The following KDM4C variants were observed in gnomAD, a reference collection of about 807,000 sequenced individuals.
KDM4C encodes the protein lysine demethylase 4C.
A neutral mutation model predicts 129.3 loss-of-function variants in KDM4C; 81 were observed. That is an observed-to-expected ratio of 0.63 (90% confidence interval 0.52 to 0.75). The LOEUF (loss-of-function observed/expected upper bound fraction) is 0.75, where lower values mean the gene tolerates loss of function less well. Among genes scored for constraint, KDM4C ranks in the 30% least tolerant of loss-of-function variants. The probability of loss-of-function intolerance (pLI) is 0.00; values close to 1 mark genes in which losing one functional copy is unlikely to be tolerated. For missense variants in KDM4C, 1,457 were observed against 1,304.0 expected, an observed-to-expected ratio of 1.12 and a Z score of -1.81; for synonymous variants, 573 against 456.1, an observed-to-expected ratio of 1.26 and a Z score of -3.26.
At chr9:7,124,757 A>G (rs192211478) in intron 18 of KDM4C, among the ~76,000 whole-genome samples, 140 of 152,094 alleles carry the variant, frequency 9.2e-4, no homozygotes, top group South Asian at 6.9e-3. Context: ...GGTACAGAAA[A>G]TTTTCCCAAG....
At position 6,832,384 on chromosome 9, in the gene KDM4C, A is replaced by G. The variant is rs566397910; in HGVS notation, c.436-17123A>G. 4.0e-5 allele frequency among the ~76,000 whole-genome samples: 6 copies of G among 150,658 alleles called. No homozygotes were observed. The East Asian group carries it at 9.7e-4, about 24-fold the overall frequency. On this transcript the variant is annotated intron_variant, in intron 4 of 21. Coordinates refer to ENST00000381309, the MANE Select transcript of KDM4C (RefSeq NM_015061.6). Reference sequence around the variant, plus strand: ...TTTGTCAAGGGGCTTAATAGTCTAGAAAATATGAATAAAGTAGTATAGATT... The same window carrying G: ...TTTGTCAAGGGGCTTAATAGTCTAGGAAATATGAATAAAGTAGTATAGATT...
chr9:7,130,721 C>T (rs145818454), intron 19 of KDM4C, among the ~76,000 whole-genome samples: 52 of 152,220 alleles, frequency 3.4e-4, no homozygotes, highest in African/African-American at 1.2e-3. Context: ...TTGGAAAGGA[C>T]GCATCTATCT....
At chr9:6,971,563 TCAATGATGATTCTA>T (rs1367439198) in intron 8 of KDM4C, among the ~76,000 whole-genome samples, 2 of 152,312 alleles carry the variant, frequency 1.3e-5, no homozygotes, top group East Asian at 3.9e-4. Flanking sequence ...ATTCATTACA[TCAATGATGATTCTA>T]CATTTTATTT....
chr9:6,922,739 C>T (rs976206510), intron 8 of KDM4C, among the ~76,000 whole-genome samples: 1 of 152,202 alleles, frequency 6.6e-6, no homozygotes, highest in African/African-American at 2.4e-5. Context: ...GGAGCCAGAC[C>T]CTGTCTCAAA....
intron 1 of KDM4C, chr9:6,748,946 C>G (rs764346818): frequency 1.1e-6 from 1 of 900,972 alleles, no homozygotes; most frequent in African/African-American, 1.6e-5. Flanking sequence ...GCACCATAAC[C>G]TTCTGCACTT....
intron 6 of KDM4C, among the ~76,000 whole-genome samples, chr9:6,883,904 G>T (rs1000577018): frequency 6.6e-6 from 1 of 152,024 alleles, no homozygotes; most frequent in Non-Finnish European, 1.5e-5. Flanking sequence ...GAAATTAAGT[G>T]GTCTCAGGAA....
chr9:6,862,842 A>ACAAACAAAC (rs373879969), intron 5 of KDM4C, among the ~76,000 whole-genome samples: 1 of 140,278 alleles, frequency 7.1e-6, no homozygotes, highest in South Asian at 2.6e-4. Context: ...AAACAAACAA[A>ACAAACAAAC]AAACAAAAAA....
chr9:6,745,451 C>T (rs1002793554), intron 1 of KDM4C, among the ~76,000 whole-genome samples: 10 of 151,398 alleles, frequency 6.6e-5, no homozygotes, highest in African/African-American at 1.5e-4. Flanking sequence ...ATAAAAAATT[C>T]GCTGGTGTGC....
intron 17 of KDM4C, among the ~76,000 whole-genome samples, chr9:7,090,184 T>C (rs1340836462): frequency 6.6e-6 from 1 of 152,244 alleles, no homozygotes; most frequent in Non-Finnish European, 1.5e-5. Context: ...CTTCAGAGCT[T>C]CCTGTTGGAA....
chr9:7,095,108 G>C (rs567346469), intron 17 of KDM4C, among the ~76,000 whole-genome samples: 2 of 152,232 alleles, frequency 1.3e-5, no homozygotes, highest in African/African-American at 4.8e-5. Flanking sequence ...AAATGCCTGG[G>C]GGAAGTTGGA....
intron 8 of KDM4C, chr9:6,902,880 G>A (rs953728088): frequency 1.3e-5 from 2 of 152,162 alleles, no homozygotes; most frequent in African/African-American, 4.8e-5. Flanking sequence ...CTAACAGTGG[G>A]TTTTTGTGGA....
chr9:6,883,210 C>T (rs1433719938), intron 6 of KDM4C, among the ~76,000 whole-genome samples: 1 of 152,158 alleles, frequency 6.6e-6, no homozygotes, highest in East Asian at 1.9e-4. Context: ...AAATATTATT[C>T]CCTTAAGCAT....
intron 8 of KDM4C, among the ~76,000 whole-genome samples, chr9:6,913,527 G>A (rs1042675366): frequency 7.9e-5 from 12 of 152,208 alleles, no homozygotes; most frequent in Non-Finnish European, 1.2e-4. Context: ...TGGGATTTGT[G>A]AGAGGCAGGC....
intron 15 of KDM4C, among the ~76,000 whole-genome samples, chr9:7,033,019 T>C (rs1827040740): frequency 6.6e-6 from 1 of 152,210 alleles, no homozygotes. Context: ...ATTGGCATTT[T>C]TCTTTTTCGA....
chr9:6,966,539 A>C (rs1415963020), intron 8 of KDM4C, among the ~76,000 whole-genome samples: 1 of 152,256 alleles, frequency 6.6e-6, no homozygotes. Context: ...AGGCATGAAG[A>C]TCAGAAACAA....
chr9:7,002,761 T>A (rs1474092926), intron 12 of KDM4C, among the ~76,000 whole-genome samples: 1 of 152,218 alleles, frequency 6.6e-6, no homozygotes, highest in East Asian at 1.9e-4. Flanking sequence ...GGTAAGGCAA[T>A]CGAAGCTCAT....
Position 6,811,636 on chromosome 9 carries a change from C to T in KDM4C, c.321-2995C>T, listed in dbSNP as rs182145108. Among the ~76,000 whole-genome samples the T allele has an allele frequency of 4.9e-3, 752 of 152,312 alleles. 7 individuals are homozygous for T. Among genetic ancestry groups the T allele is most frequent in the African/African-American group, 0.017 (706 of 41,556 alleles). ...TCACATTACTGATGTGTACTTTCCT[C>T]TAGGCACAGAGCCAAGTGCTTTCCA... On this transcript the variant is annotated intron_variant, in intron 3 of 21. Transcript: ENST00000381309.
At chr9:6,963,511 C>G (rs1347739636) in intron 8 of KDM4C, among the ~76,000 whole-genome samples, 1 of 152,102 alleles carries the variant, frequency 6.6e-6, no homozygotes, top group Non-Finnish European at 1.5e-5. Context: ...GGGAGCTGAC[C>G]TAGTCTATGG....
intron 12 of KDM4C, among the ~76,000 whole-genome samples, chr9:6,998,789 C>A (rs1475934195): frequency 7.1e-6 from 1 of 141,094 alleles, no homozygotes. Context: ...CAGCAGGACT[C>A]TGGTTCCAAA....
Sources: gnomAD v4.1 joint callset for allele counts (sites outside exome capture counted in the v4.1 genomes callset) on GRCh38, gnomAD v4.1.1 for gene constraint, MANE v1.5 for transcripts, NCBI Gene and HGNC (gene_info 2026-07-23, HGNC 2026-07-21) for gene names.